Variants in LRMDA observed in about 807,000 individuals in gnomAD.
LRMDA encodes the protein leucine-rich melanocyte differentiation-associated protein.
Under a neutral mutation model 29.8 loss-of-function variants are expected in LRMDA, and 18 were observed. That is an observed-to-expected ratio of 0.60 (90% CI 0.42 to 0.90). The LOEUF (loss-of-function observed/expected upper bound fraction) is 0.90. LRMDA is among the 40% of genes least tolerant of loss of function. LRMDA has a pLI of 0.00. For missense variants in LRMDA, 273 were observed against 273.9 expected (o/e 1.00, Z 0.02); for synonymous variants, 125 against 109.4 (o/e 1.14, Z -0.89).
At chr10:75,476,968 C>G (rs190994742) in intron 2 of LRMDA, among the ~76,000 whole-genome samples, 1 of 151,706 alleles carries the variant, frequency 6.6e-6, no homozygotes, top group Non-Finnish European at 1.5e-5. Flanking sequence ...TCCTGATCAC[C>G]TCCTCCTCCT....
chr10:76,079,848 C>A (rs1849021523), intron 5 of LRMDA, among the ~76,000 whole-genome samples: 1 of 152,100 alleles, frequency 6.6e-6, no homozygotes, highest in African/African-American at 2.4e-5. Context: ...AAGAGACCTG[C>A]CTTCATCTTG....
At chr10:75,692,420 CAT>C (rs35960033) in intron 2 of LRMDA, among the ~76,000 whole-genome samples, 16,555 of 148,602 alleles carry the variant, frequency 0.11, 972 homozygotes, top group Middle Eastern at 0.17. Context: ...CACATATATG[CAT>C]ATATATATAC....
At chr10:75,567,154 T>C (rs1840383863) in intron 2 of LRMDA, among the ~76,000 whole-genome samples, 1 of 152,212 alleles carries the variant, frequency 6.6e-6, no homozygotes, top group Non-Finnish European at 1.5e-5. Context: ...GTTATTTTTT[T>C]TTCTTCTAGA....
chr10:75,853,527 T>G (rs1484248470), intron 2 of LRMDA, among the ~76,000 whole-genome samples: 1 of 151,944 alleles, frequency 6.6e-6, no homozygotes, highest in Non-Finnish European at 1.5e-5. Context: ...AAGTGAGTGG[T>G]GCAAATTCTC....
chr10:76,549,861 TGA>T (rs1843472822), intron 6 of LRMDA, among the ~76,000 whole-genome samples: 1 of 152,148 alleles, frequency 6.6e-6, no homozygotes, highest in Non-Finnish European at 1.5e-5. Context: ...GTAGAAATAA[TGA>T]AAACAAAATA....
At chr10:75,986,985 TCTC>T (rs1387247633) in intron 2 of LRMDA, among the ~76,000 whole-genome samples, 1 of 152,182 alleles carries the variant, frequency 6.6e-6, no homozygotes, top group African/African-American at 2.4e-5. Context: ...CCCTCTCAGT[TCTC>T]CTTTCTGTCC....
chr10:75,901,428 A>G (rs1280662378), intron 2 of LRMDA, among the ~76,000 whole-genome samples: 1 of 152,190 alleles, frequency 6.6e-6, no homozygotes, highest in Non-Finnish European at 1.5e-5. Context: ...TTTTCTCCCA[A>G]AACCTAAATG....
intron 6 of LRMDA, among the ~76,000 whole-genome samples, chr10:76,511,903 C>T (rs1843012604): frequency 6.6e-6 from 1 of 150,438 alleles, no homozygotes; most frequent in South Asian, 2.1e-4. Flanking sequence ...AGCAAGGGAT[C>T]CAGAATAACA....
At chr10:76,069,662 T>C (rs10824359) in intron 5 of LRMDA, among the ~76,000 whole-genome samples, 56,981 of 151,324 alleles carry the variant, frequency 0.38, 11,932 homozygotes, top group Non-Finnish European at 0.46. Context: ...CTTTATGCAG[T>C]TTTTAACTCT....
intron 2 of LRMDA, among the ~76,000 whole-genome samples, chr10:75,455,125 T>G (rs1564775428): frequency 6.6e-6 from 1 of 152,172 alleles, no homozygotes; most frequent in Non-Finnish European, 1.5e-5. Flanking sequence ...TAGGTGGTCT[T>G]TCTTTAGGGT....
At chr10:75,794,888 C>T (rs1430014466) in intron 2 of LRMDA, among the ~76,000 whole-genome samples, 1 of 151,604 alleles carries the variant, frequency 6.6e-6, no homozygotes. Flanking sequence ...CCTTTCACTT[C>T]TTAAATGGTG....
At chr10:75,521,520 A>G (rs1038556363) in intron 2 of LRMDA, among the ~76,000 whole-genome samples, 2 of 152,184 alleles carry the variant, frequency 1.3e-5, no homozygotes, top group Non-Finnish European at 2.9e-5. Flanking sequence ...CGAGCCAGGC[A>G]CGGGAGAGAA....
At chr10:75,685,995 A>T (rs757794436) in intron 2 of LRMDA, among the ~76,000 whole-genome samples, 6 of 152,232 alleles carry the variant, frequency 3.9e-5, no homozygotes, top group African/African-American at 7.2e-5. Context: ...TTTACAGATA[A>T]GGACTTTGAG....
intron 2 of LRMDA, among the ~76,000 whole-genome samples, chr10:75,944,584 C>T (rs567409212): frequency 6.6e-6 from 1 of 151,634 alleles, no homozygotes; most frequent in Non-Finnish European, 1.5e-5. Context: ...GTCACAGTGT[C>T]TCTGTTTACT....
At chr10:76,091,043 G>T (rs1005151792) in intron 5 of LRMDA, among the ~76,000 whole-genome samples, 1 of 152,186 alleles carries the variant, frequency 6.6e-6, no homozygotes, top group African/African-American at 2.4e-5. Context: ...AGAAGGAGAA[G>T]GAATCCAGCT....
chr10:75,692,566 T>TATAC (rs1842183364), intron 2 of LRMDA, among the ~76,000 whole-genome samples: 1 of 1,874 alleles, frequency 5.3e-4, no homozygotes, highest in Admixed American at 2.1e-3. Context: ...TATGTATACG[T>TATAC]GTGTGTGTGT....
Position 76,378,738 on chromosome 10 carries a change from A to G in LRMDA, c.601+54253A>G, listed in dbSNP as rs1055287419. 1.3e-5 allele frequency among the ~76,000 whole-genome samples: 2 copies of G among 151,054 alleles called. 1 individual carries two copies. The highest frequency in any genetic ancestry group is 6.6e-3 in the Middle Eastern group (2 of 302). On this transcript the variant is annotated intron_variant, in intron 6 of 6. Transcript: ENST00000611255. ...GGAATAAAACCCACTTGATTATGAT[A>G]TATTATGTTTTTGATGTGCTACTTA...
chr10:75,965,014 A>G (rs1049832836), intron 2 of LRMDA, among the ~76,000 whole-genome samples: 1 of 151,888 alleles, frequency 6.6e-6, no homozygotes, highest in African/African-American at 2.4e-5. Flanking sequence ...GATCCACTCA[A>G]CTCGGCCTCC....
rs114398015 is a variant in LRMDA, at chr10:75,467,313, T to G, written c.131+28819T>G. Among the ~76,000 whole-genome samples the G allele has an allele frequency of 7.2e-3, 1,095 of 152,250 alleles. 14 individuals are homozygous for G. Among genetic ancestry groups the G allele is most frequent in the African/African-American group, 0.025 (1,038 of 41,550 alleles). Reference sequence around the variant, plus strand: ...GCAGCCAAGGCTTGGCTTGCCCTGGTGAGTGACTTCCCCACCTGCCATTAT... The same window carrying G: ...GCAGCCAAGGCTTGGCTTGCCCTGGGGAGTGACTTCCCCACCTGCCATTAT... On this transcript the variant is annotated intron_variant, in intron 2 of 6. Transcript: ENST00000611255.
Sources: gnomAD v4.1 joint callset for allele counts (sites outside exome capture counted in the v4.1 genomes callset) on GRCh38, gnomAD v4.1.1 for gene constraint, MANE v1.5 for transcripts, NCBI Gene and HGNC (gene_info 2026-07-23, HGNC 2026-07-21) for gene names.